The following NPAS3 variants were observed in gnomAD, a reference collection of about 807,000 sequenced individuals.
NPAS3 encodes neuronal PAS domain protein 3, also known as neuronal PAS domain-containing protein 3.
Under a neutral mutation model 73.1 loss-of-function variants are expected in NPAS3, and 14 were observed. That is an observed-to-expected ratio of 0.19 (90% CI 0.13 to 0.30). NPAS3 has a LOEUF of 0.30. NPAS3 is among the 10% of genes least tolerant of loss of function. The pLI is 1.00. For missense variants in NPAS3, 1,096 were observed against 1,250.0 expected (o/e 0.88, Z 1.86); for synonymous variants, 620 against 541.5 (o/e 1.14, Z -2.01).
chr14:33,104,786 C>T (rs1482252974), intron 2 of NPAS3, among the ~76,000 whole-genome samples: 1 of 152,166 alleles, frequency 6.6e-6, no homozygotes, highest in Non-Finnish European at 1.5e-5. Context: ...ATTCTAGTGG[C>T]ACCAATTTTA....
At chr14:33,781,803 T>C (rs2062987118) in intron 9 of NPAS3, among the ~76,000 whole-genome samples, 1 of 152,254 alleles carries the variant, frequency 6.6e-6, no homozygotes, top group South Asian at 2.1e-4. Context: ...AAAAATACTA[T>C]CTTTATCACT....
At chr14:33,057,837 T>C (rs1046842680) in intron 2 of NPAS3, among the ~76,000 whole-genome samples, 11 of 152,208 alleles carry the variant, frequency 7.2e-5, no homozygotes, top group Non-Finnish European at 1.2e-4. Context: ...GTCACTGAGA[T>C]GATTAATGGT....
At chr14:33,164,390 G>A (rs73270589) in intron 2 of NPAS3, among the ~76,000 whole-genome samples, 7,290 of 151,976 alleles carry the variant, frequency 0.048, 340 homozygotes, top group East Asian at 0.13. Context: ...TTATGTAATC[G>A]GTCTTATATC....
chr14:33,673,390 A>G (rs930616402), intron 5 of NPAS3, among the ~76,000 whole-genome samples: 1 of 152,224 alleles, frequency 6.6e-6, no homozygotes, highest in African/African-American at 2.4e-5. Flanking sequence ...CACAAAAATT[A>G]GTACTTTTTG....
intron 2 of NPAS3, chr14:33,214,513 A>G (rs972644660): frequency 1.3e-5 from 2 of 152,224 alleles, no homozygotes; most frequent in Non-Finnish European, 2.9e-5. Context: ...TAGAAAATCA[A>G]TCTACTAATG....
At chr14:33,434,008 A>T (rs1049035620) in intron 4 of NPAS3, among the ~76,000 whole-genome samples, 2 of 151,402 alleles carry the variant, frequency 1.3e-5, no homozygotes, top group South Asian at 4.2e-4. Flanking sequence ...CTGGCTAACA[A>T]GGTGAAACCC....
chr14:33,626,385 T>C (rs11851444), intron 5 of NPAS3, among the ~76,000 whole-genome samples: 20,671 of 152,170 alleles, frequency 0.14, 1,741 homozygotes, highest in African/African-American at 0.24. Context: ...TGAATATATA[T>C]GAAATTCAGT....
intron 1 of NPAS3, among the ~76,000 whole-genome samples, chr14:33,050,019 G>A (rs1168073833): frequency 6.6e-6 from 1 of 152,144 alleles, no homozygotes; most frequent in Non-Finnish European, 1.5e-5. Flanking sequence ...AGAAACTGCA[G>A]GAATATTTTG....
At chr14:33,521,407 C>T (rs905241790) in intron 4 of NPAS3, among the ~76,000 whole-genome samples, 7 of 151,108 alleles carry the variant, frequency 4.6e-5, no homozygotes, top group African/African-American at 1.2e-4. Context: ...GTGTGTGCTA[C>T]GTGTGACAAT....
At chr14:33,309,041 T>C (rs67958427) in intron 3 of NPAS3, among the ~76,000 whole-genome samples, 33,609 of 152,104 alleles carry the variant, frequency 0.22, 4,359 homozygotes, top group Middle Eastern at 0.34. Flanking sequence ...TAGTAGATAT[T>C]TGGTGAAAAA....
intron 4 of NPAS3, among the ~76,000 whole-genome samples, chr14:33,445,218 G>T (rs1279437477): frequency 6.6e-6 from 1 of 152,056 alleles, no homozygotes; most frequent in Non-Finnish European, 1.5e-5. Flanking sequence ...TTATTCCTTT[G>T]TGTTAAAAAA....
intron 3 of NPAS3, among the ~76,000 whole-genome samples, chr14:33,291,445 A>T (rs994847704): frequency 2.0e-4 from 31 of 152,200 alleles, no homozygotes; most frequent in African/African-American, 7.5e-4. Context: ...AATATGTTCA[A>T]GGTGTCAGAA....
intron 1 of NPAS3, among the ~76,000 whole-genome samples, chr14:32,990,287 A>T (rs774413266): frequency 4.6e-5 from 7 of 152,222 alleles, no homozygotes; most frequent in Non-Finnish European, 1.0e-4. Flanking sequence ...TTAGCCTTCA[A>T]TTCATTACAT....
chr14:33,225,987 T>C (rs1297151550), intron 3 of NPAS3, among the ~76,000 whole-genome samples: 1 of 152,242 alleles, frequency 6.6e-6, no homozygotes, highest in Non-Finnish European at 1.5e-5. Context: ...AGTCTATTTG[T>C]CATGATGGCT....
intron 1 of NPAS3, among the ~76,000 whole-genome samples, chr14:33,046,959 G>A (rs186502215): frequency 1.3e-4 from 20 of 152,248 alleles, no homozygotes; most frequent in Admixed American, 7.2e-4. Flanking sequence ...GGGTGACAGA[G>A]TGAGACTCCA....
At chr14:33,165,988 A>G (rs991871803) in intron 2 of NPAS3, among the ~76,000 whole-genome samples, 4 of 152,154 alleles carry the variant, frequency 2.6e-5, no homozygotes, top group African/African-American at 4.8e-5. Context: ...AGCCACGCTC[A>G]CATATTGGAT....
intron 6 of NPAS3, among the ~76,000 whole-genome samples, chr14:33,732,764 G>A (rs1187254216): frequency 1.3e-5 from 2 of 152,096 alleles, no homozygotes; most frequent in Non-Finnish European, 1.5e-5. Flanking sequence ...TATAATTAAC[G>A]TTGCCCCTGT....
At chr14:33,623,582 C>T (rs184739772) in intron 5 of NPAS3, among the ~76,000 whole-genome samples, 347 of 152,312 alleles carry the variant, frequency 2.3e-3, no homozygotes, top group Non-Finnish European at 4.0e-3. Context: ...CCAACAACCA[C>T]GATGGTCCTG....
chr14:33,145,726 G>A (rs778589176), intron 2 of NPAS3, among the ~76,000 whole-genome samples: 26 of 152,008 alleles, frequency 1.7e-4, no homozygotes, highest in African/African-American at 3.1e-4. Flanking sequence ...TTGCCTATTC[G>A]TTTCTTTCCT....
Sources: allele counts gnomAD v4.1 joint callset (sites outside exome capture counted in the v4.1 genomes callset), GRCh38; gene constraint gnomAD v4.1.1; transcripts MANE v1.5; gene names NCBI Gene and HGNC (gene_info 2026-07-23, HGNC 2026-07-21).